POLR3B: variants seen among roughly 807,000 people sequenced by gnomAD.
POLR3B encodes DNA-directed RNA polymerase III subunit RPC2.
Under a neutral mutation model 147.4 loss-of-function variants are expected in POLR3B, and 96 were observed. That is an observed-to-expected ratio of 0.65 (90% CI 0.55 to 0.77). POLR3B has a LOEUF of 0.77. Among genes scored for constraint, POLR3B ranks in the 30% least tolerant of loss-of-function variants. The probability of loss-of-function intolerance (pLI) is 0.00; values close to 1 mark genes in which losing one functional copy is unlikely to be tolerated. For synonymous variants in POLR3B, 461 were observed against 485.9 expected (o/e 0.95, Z 0.67); for missense variants, 1,036 against 1,413.5 (o/e 0.73, Z 4.28).
chr12:106,497,737 T>C (rs1438869469), intron 25 of POLR3B, among the ~76,000 whole-genome samples: 1 of 152,194 alleles, frequency 6.6e-6, no homozygotes, highest in Admixed American at 6.5e-5. Context: ...GTAGACATGG[T>C]CCCAGTTCTA....
intron 18 of POLR3B, among the ~76,000 whole-genome samples, chr12:106,441,655 C>T (rs577549907): frequency 9.9e-5 from 15 of 152,058 alleles, no homozygotes; most frequent in Non-Finnish European, 2.2e-4. Flanking sequence ...CATTATCTAC[C>T]TACACACATT....
chr12:106,449,818 C>T (rs1565900098), intron 19 of POLR3B, among the ~76,000 whole-genome samples: 2 of 151,986 alleles, frequency 1.3e-5, no homozygotes, highest in African/African-American at 4.8e-5. Flanking sequence ...AACTGTATAT[C>T]CTTTGTGTCT....
chr12:106,443,730 AGG>A (rs2037685132), intron 18 of POLR3B, among the ~76,000 whole-genome samples: 1 of 152,140 alleles, frequency 6.6e-6, no homozygotes, highest in Admixed American at 6.5e-5. Flanking sequence ...TGTGTTGGCT[AGG>A]CTGGTCTCGA....
At chr12:106,506,421 A>T (rs1417864895) in intron 27 of POLR3B, among the ~76,000 whole-genome samples, 1 of 152,096 alleles carries the variant, frequency 6.6e-6, no homozygotes, top group Non-Finnish European at 1.5e-5. Flanking sequence ...CCCCGGAGAA[A>T]AAAGAAAACA....
Position 106,496,913 on chromosome 12 carries a change from C to G in POLR3B, c.2979C>G (p.Ile993Met). The change falls in exon 25 of 28, where the codon ATC becomes ATG. Residue 993 changes from isoleucine (I) to methionine (M), a missense_variant. Physicochemically the swap from Ile to Met is conservative, Grantham distance 10. Around this residue, in one of 12 missense-constraint regions of POLR3B, gnomAD observed 88 missense variants for 87.5 expected, o/e 1.01. Transcript: ENST00000228347. Reference protein sequence around the residue: ...YLGKDYVTSGITGEPLEAYIY... With the variant: ...YLGKDYVTSGMTGEPLEAYIY... Reference sequence around the variant, plus strand: ...GGAAAGACTATGTTACATCCGGCATCACAGGGTAAGCATGCGATTGAGCTA... The same window carrying G: ...GGAAAGACTATGTTACATCCGGCATGACAGGGTAAGCATGCGATTGAGCTA... 6.2e-7 allele frequency: 1 copy of G among 1,613,752 alleles called. No individual in the cohort carries two copies. Among genetic ancestry groups the G allele is most frequent in the Non-Finnish European group, 8.5e-7 (1 of 1,179,816 alleles).
intron 9 of POLR3B, among the ~76,000 whole-genome samples, chr12:106,385,058 G>A (rs920614170): frequency 9.9e-5 from 15 of 152,124 alleles, no homozygotes; most frequent in Admixed American, 3.3e-4. Context: ...ACTCTTGACC[G>A]TGTGATCCTC....
intron 23 of POLR3B, among the ~76,000 whole-genome samples, chr12:106,495,263 T>A (rs1469049968): frequency 6.6e-6 from 1 of 152,218 alleles, no homozygotes; most frequent in African/African-American, 2.4e-5. Context: ...AGGGAATTAA[T>A]TTAAGAGAAT....
intron 15 of POLR3B, among the ~76,000 whole-genome samples, chr12:106,433,212 G>C (rs2037532945): frequency 6.6e-6 from 1 of 152,228 alleles, no homozygotes; most frequent in Non-Finnish European, 1.5e-5. Flanking sequence ...GGCTAACATT[G>C]AGTGAGCTTT....
intron 20 of POLR3B, among the ~76,000 whole-genome samples, chr12:106,456,841 C>T (rs988444994): frequency 1.2e-4 from 19 of 152,160 alleles, no homozygotes; most frequent in African/African-American, 4.3e-4. Context: ...ATCACAGCGC[C>T]AGTCTTAGAT....
chr12:106,409,061 A>G (rs1467071554), intron 11 of POLR3B, among the ~76,000 whole-genome samples: 2 of 152,202 alleles, frequency 1.3e-5, no homozygotes, highest in Non-Finnish European at 2.9e-5. Flanking sequence ...TGTTTATGCA[A>G]AAGGAAAATG....
At position 106,484,730 on chromosome 12, in the gene POLR3B, C is replaced by T. The variant is rs1054708424; in HGVS notation, c.2714-11325C>T. Among the ~76,000 whole-genome samples the T allele has an allele frequency of 5.3e-5, 8 of 151,494 alleles. No homozygotes were observed. In the East Asian group the frequency reaches 7.8e-4, roughly 15 times the overall value. On this transcript the variant is annotated intron_variant, in intron 23 of 27. Coordinates refer to ENST00000228347, the MANE Select transcript of POLR3B (RefSeq NM_018082.6). ...TAGATTACGATCAGGAACAGCCTCT[C>T]GGAGGAAGCGACATTGAGCTGAGAC...
intron 23 of POLR3B, among the ~76,000 whole-genome samples, chr12:106,488,891 A>G (rs2038375822): frequency 6.6e-6 from 1 of 152,194 alleles, no homozygotes. Flanking sequence ...CAGCCCAAGG[A>G]ATTCTCAAGT....
chr12:106,500,191 A>G (rs1457548888), intron 25 of POLR3B: 1 of 455,796 alleles, frequency 2.2e-6, no homozygotes, highest in South Asian at 1.6e-5. Flanking sequence ...CCCTTTGAAG[A>G]AGAAAGTTTG....
intron 9 of POLR3B, among the ~76,000 whole-genome samples, chr12:106,388,872 G>A (rs1668247546): frequency 2.0e-5 from 3 of 152,090 alleles, no homozygotes; most frequent in Admixed American, 1.3e-4. Flanking sequence ...GTCTTTAAAA[G>A]TCACGCTTTG....
chr12:106,382,573 C>T (rs1267893702), intron 9 of POLR3B, among the ~76,000 whole-genome samples: 1 of 152,184 alleles, frequency 6.6e-6, no homozygotes, highest in African/African-American at 2.4e-5. Flanking sequence ...ACATTAATCT[C>T]CTTGTACATC....
At chr12:106,496,233 G>A (rs746780977) in intron 24 of POLR3B, 75 bp downstream of exon 24, 3 of 927,600 alleles carry the variant, frequency 3.2e-6, no homozygotes, top group South Asian at 2.6e-5. Context: ...TAGAGTGAGT[G>A]GAGGTGACGA....
chr12:106,403,678 G>T (rs940451403), intron 10 of POLR3B, among the ~76,000 whole-genome samples: 7 of 151,962 alleles, frequency 4.6e-5, no homozygotes, highest in African/African-American at 1.7e-4. Flanking sequence ...GATGAAGCTG[G>T]AGACCATCAT....
At chr12:106,364,120 A>G (rs1304692354) in intron 2 of POLR3B, among the ~76,000 whole-genome samples, 1 of 152,234 alleles carries the variant, frequency 6.6e-6, no homozygotes, top group Non-Finnish European at 1.5e-5. Flanking sequence ...GTACATGCAC[A>G]GTAGCATGGC....
chr12:106,362,705 C>T (rs1465145396), intron 1 of POLR3B, among the ~76,000 whole-genome samples: 1 of 151,982 alleles, frequency 6.6e-6, no homozygotes, highest in East Asian at 1.9e-4. Flanking sequence ...TTGTCAAGAC[C>T]CCATCTTCAA....
Sources: gnomAD v4.1 joint callset for allele counts (sites outside exome capture counted in the v4.1 genomes callset) on GRCh38, gnomAD v4.1.1 for gene constraint, gnomAD v4.1.1 regional missense constraint, MANE v1.5 for transcripts, NCBI Gene and HGNC (gene_info 2026-07-23, HGNC 2026-07-21) for gene names.